ABTB3: variants seen among roughly 807,000 people sequenced by gnomAD.
ABTB3 encodes ankyrin repeat and BTB domain containing 3, also known as ankyrin repeat- and BTB/POZ domain-containing protein 3.
chr12:107,645,839 A>G, the ABTB3 span, among the ~76,000 whole-genome samples: 216 of 152,314 alleles, frequency 1.4e-3, no homozygotes, highest in African/African-American at 4.9e-3. Context: ...TGGCCACATT[A>G]GACTCGCGTT....
At chr12:107,357,697 A>G in the ABTB3 span, among the ~76,000 whole-genome samples, 1 of 152,224 alleles carries the variant, frequency 6.6e-6, no homozygotes, top group Non-Finnish European at 1.5e-5. Flanking sequence ...TACTGGGGCT[A>G]AAATATCCTT....
the ABTB3 span, among the ~76,000 whole-genome samples, chr12:107,343,597 G>A: frequency 2.0e-5 from 3 of 152,154 alleles, no homozygotes; most frequent in South Asian, 6.2e-4. Context: ...AACAGTCCAA[G>A]GCAGGTAGGC....
At chr12:107,581,940 G>A in the ABTB3 span, among the ~76,000 whole-genome samples, 1 of 152,110 alleles carries the variant, frequency 6.6e-6, no homozygotes, top group African/African-American at 2.4e-5. Flanking sequence ...GCACGCACAC[G>A]AACACACCTA....
chr12:107,329,643 C>G, the ABTB3 span, among the ~76,000 whole-genome samples: 26,473 of 152,158 alleles, frequency 0.17, 2,674 homozygotes, highest in East Asian at 0.31. Flanking sequence ...TGATGTCAGG[C>G]AAGTTACCTA....
At chr12:107,470,018 C>CTCTCTCTCTCTCTCTCTCTTTCTTTCTT in the ABTB3 span, among the ~76,000 whole-genome samples, 5 of 115,560 alleles carry the variant, frequency 4.3e-5, no homozygotes, top group South Asian at 2.7e-4. Flanking sequence ...CTTTCTCTCT[C>CTCTCTCTCTCTCTCTCTCTTTCTTTCTT]TCTCTCTCTC....
the ABTB3 span, chr12:107,649,373 A>G: frequency 4.3e-6 from 5 of 1,161,748 alleles, no homozygotes; most frequent in Non-Finnish European, 5.2e-6. Flanking sequence ...GTCTGGAAGG[A>G]CCCGTGTTGG....
the ABTB3 span, among the ~76,000 whole-genome samples, chr12:107,470,012 C>CTTTCTTTCTT: frequency 4.6e-5 from 5 of 108,186 alleles, no homozygotes; most frequent in East Asian, 2.8e-4. Context: ...TTCTTTCTTT[C>CTTTCTTTCTT]TCTCTCTCTC....
the ABTB3 span, among the ~76,000 whole-genome samples, chr12:107,538,964 T>C: frequency 6.6e-6 from 1 of 152,210 alleles, no homozygotes; most frequent in Non-Finnish European, 1.5e-5. Context: ...TTGGAGGCAC[T>C]GTGTCATAGT....
chr12:107,651,614 A>G, the ABTB3 span: 6 of 1,203,660 alleles, frequency 5.0e-6, no homozygotes, highest in East Asian at 1.4e-4. Flanking sequence ...ATAGTTCCTT[A>G]TTGTTACCTC....
chr12:107,463,601 T>G, the ABTB3 span, among the ~76,000 whole-genome samples: 2 of 152,124 alleles, frequency 1.3e-5, no homozygotes, highest in African/African-American at 4.8e-5. Context: ...TGAACTAAGA[T>G]GGTCAGACTC....
chr12:107,623,272 G>C, the ABTB3 span, among the ~76,000 whole-genome samples: 1 of 151,208 alleles, frequency 6.6e-6, no homozygotes, highest in Admixed American at 6.6e-5. Flanking sequence ...TGTTGGCCAG[G>C]ATGGCCTCAA....
chr12:107,496,215 C>T, the ABTB3 span, among the ~76,000 whole-genome samples: 1 of 152,188 alleles, frequency 6.6e-6, no homozygotes, highest in Non-Finnish European at 1.5e-5. Context: ...GCCTGCATCT[C>T]ACCTCTAACT....
the ABTB3 span, among the ~76,000 whole-genome samples, chr12:107,616,714 C>T: frequency 1.3e-5 from 2 of 152,206 alleles, no homozygotes; most frequent in African/African-American, 4.8e-5. Context: ...GGGAGTCTTC[C>T]AGCATTCCTG....
At chr12:107,511,780 T>G in the ABTB3 span, among the ~76,000 whole-genome samples, 1 of 152,134 alleles carries the variant, frequency 6.6e-6, no homozygotes, top group South Asian at 2.1e-4. Flanking sequence ...TGGAGACCAT[T>G]TTTGCAGTCA....
the ABTB3 span, among the ~76,000 whole-genome samples, chr12:107,349,154 G>A: frequency 2.6e-5 from 4 of 152,318 alleles, no homozygotes; most frequent in Non-Finnish European, 5.9e-5. Context: ...TCCATGCCTT[G>A]AGCTCTGGAG....
chr12:107,531,074 G>A, the ABTB3 span, among the ~76,000 whole-genome samples: 1 of 152,174 alleles, frequency 6.6e-6, no homozygotes, highest in East Asian at 1.9e-4. Context: ...CTGTAACCTT[G>A]GGCCTGTTTT....
At chr12:107,366,897 C>G in the ABTB3 span, among the ~76,000 whole-genome samples, 1 of 152,148 alleles carries the variant, frequency 6.6e-6, no homozygotes, top group Non-Finnish European at 1.5e-5. Flanking sequence ...GTGCCAGAAG[C>G]ACTCCACTGA....
chr12:107,321,855 C>A, the ABTB3 span, among the ~76,000 whole-genome samples: 1 of 152,190 alleles, frequency 6.6e-6, no homozygotes, highest in Non-Finnish European at 1.5e-5. Flanking sequence ...TGACTCCCAG[C>A]TCCTTACCCA....
the ABTB3 span, among the ~76,000 whole-genome samples, chr12:107,602,320 T>C: frequency 6.6e-6 from 1 of 152,202 alleles, no homozygotes; most frequent in African/African-American, 2.4e-5. Flanking sequence ...AGATATGATA[T>C]CTAATTTGAG....
Sources: gnomAD v4.1 joint callset for allele counts (sites outside exome capture counted in the v4.1 genomes callset) on GRCh38, gnomAD v4.1.1 for gene constraint, MANE v1.5 for transcripts, NCBI Gene and HGNC (gene_info 2026-07-23, HGNC 2026-07-21) for gene names.